ALK: variants seen among roughly 807,000 people sequenced by gnomAD.
The protein encoded by ALK is ALK tyrosine kinase receptor.
ALK carries 74 observed loss-of-function variants against 163.1 expected under a neutral mutation model. The ratio of observed to expected loss-of-function variants is 0.45; its 90% CI spans 0.38 to 0.55. The LOEUF is 0.55. Ranked by LOEUF, ALK falls within the 20% of genes least tolerant of loss-of-function variation. The pLI, the probability that ALK is intolerant of heterozygous loss-of-function variation, is 0.00. For missense variants in ALK, 2,063 were observed against 2,105.3 expected (o/e 0.98, Z 0.39); for synonymous variants, 960 against 843.2 (o/e 1.14, Z -2.40).
intron 3 of ALK, among the ~76,000 whole-genome samples, chr2:29,546,547 G>T (rs879546830): frequency 2.0e-5 from 3 of 152,192 alleles, no homozygotes; most frequent in Admixed American, 2.0e-4. Flanking sequence ...CGGAAGGGAG[G>T]GAGCTGGGCG....
chr2:29,569,875 T>C (rs1674306923), intron 3 of ALK, among the ~76,000 whole-genome samples: 1 of 152,136 alleles, frequency 6.6e-6, no homozygotes, highest in Admixed American at 6.5e-5. Context: ...TTGTCCCCCT[T>C]CCCTCCTCTG....
At chr2:29,683,266 A>C (rs1678131304) in intron 3 of ALK, among the ~76,000 whole-genome samples, 1 of 152,150 alleles carries the variant, frequency 6.6e-6, no homozygotes, top group African/African-American at 2.4e-5. Flanking sequence ...AGTCCCAGCT[A>C]CTTGGGAAGC....
intron 4 of ALK, among the ~76,000 whole-genome samples, chr2:29,485,391 T>C (rs1245767339): frequency 1.3e-5 from 2 of 152,234 alleles, no homozygotes; most frequent in African/African-American, 4.8e-5. Flanking sequence ...GTTTCTAATA[T>C]GTATAATTGG....
At chr2:29,587,334 G>A (rs2148203593) in intron 3 of ALK, among the ~76,000 whole-genome samples, 1 of 152,270 alleles carries the variant, frequency 6.6e-6, no homozygotes, top group South Asian at 2.1e-4. Flanking sequence ...TTTCATGACT[G>A]GCATAGGCTG....
chr2:29,328,611 C>T (rs1667346988), intron 5 of ALK, 130 bp from the exon 6 acceptor site: 26 of 1,263,880 alleles, frequency 2.1e-5, no homozygotes, highest in Non-Finnish European at 2.7e-5. Context: ...CACTCCAAGG[C>T]CTGATTGAGA....
At chr2:29,600,568 G>T (rs1412542511) in intron 3 of ALK, among the ~76,000 whole-genome samples, 1 of 152,206 alleles carries the variant, frequency 6.6e-6, no homozygotes, top group Non-Finnish European at 1.5e-5. Context: ...CAGATCCTAA[G>T]CCTGCTGGGA....
chr2:29,805,017 C>T (rs1664571380), intron 1 of ALK, among the ~76,000 whole-genome samples: 2 of 152,244 alleles, frequency 1.3e-5, no homozygotes, highest in East Asian at 1.9e-4. Flanking sequence ...GTTTGGAAGC[C>T]TCTATTAAAT....
chr2:29,207,146 A>G (rs2148151854), intron 26 of ALK, 25 bp downstream of exon 26: 1 of 1,579,884 alleles, frequency 6.3e-7, no homozygotes, highest in African/African-American at 1.3e-5. Context: ...CTGCAGGGAT[A>G]CCTGGAGGAT....
chr2:29,454,224 C>T (rs189905723), intron 4 of ALK, among the ~76,000 whole-genome samples: 39 of 152,264 alleles, frequency 2.6e-4, no homozygotes, highest in Middle Eastern at 3.4e-3. Flanking sequence ...ATACACATCC[C>T]TCAGTATTTC....
At chr2:29,398,651 C>T (rs569280569) in intron 4 of ALK, among the ~76,000 whole-genome samples, 5 of 152,220 alleles carry the variant, frequency 3.3e-5, no homozygotes, top group South Asian at 2.1e-4. Context: ...TTCAGTTGCT[C>T]GGCATGTTTC....
chr2:29,306,178 G>A (rs11888500), intron 8 of ALK, among the ~76,000 whole-genome samples: 10,963 of 152,268 alleles, frequency 0.072, 457 homozygotes, highest in Middle Eastern at 0.1. Context: ...TGAACTAGGC[G>A]CTTGCACGTA....
intron 26 of ALK, among the ~76,000 whole-genome samples, chr2:29,203,476 A>AGGATGT (rs566772198): frequency 4.7e-4 from 28 of 59,802 alleles, no homozygotes; most frequent in African/African-American, 1.6e-3. Context: ...CATTGGCCTG[A>AGGATGT]GGATGTGCCT....
rs1671882061 is a variant in ALK at position 29,490,764 on chromosome 2, G to T, written c.1154+41151C>A. Among the ~76,000 whole-genome samples, 3 of 152,300 alleles carry T rather than the reference G, an allele frequency of 2.0e-5. No homozygotes were observed. In the South Asian group the frequency reaches 6.2e-4, roughly 32 times the overall value. ...TATACTGAAATATAGTCATTAAAAA[G>T]TTATGCTGCAATAATGTATGTGTTT... is the stretch of plus-strand genomic sequence containing the variant. On this transcript the variant is annotated intron_variant, in intron 4 of 28. Transcript: ENST00000389048.
chr2:29,767,717 G>C (rs533523631), intron 1 of ALK, among the ~76,000 whole-genome samples: 1 of 152,298 alleles, frequency 6.6e-6, no homozygotes, highest in African/African-American at 2.4e-5. Flanking sequence ...GTTCTTTATA[G>C]TACACTCCAG....
chr2:29,514,165 A>G (rs1672596266), intron 4 of ALK, among the ~76,000 whole-genome samples: 1 of 144,242 alleles, frequency 6.9e-6, no homozygotes, highest in Non-Finnish European at 1.5e-5. Flanking sequence ...TATCCAAAGG[A>G]CTATAAATCA....
intron 1 of ALK, among the ~76,000 whole-genome samples, chr2:29,757,411 C>T (rs901343350): frequency 2.6e-5 from 4 of 152,174 alleles, no homozygotes; most frequent in African/African-American, 7.2e-5. Context: ...AGCTGAGATA[C>T]GAACCCAGGC....
intron 1 of ALK, among the ~76,000 whole-genome samples, chr2:29,858,350 C>T (rs907771294): frequency 8.5e-5 from 13 of 152,272 alleles, no homozygotes; most frequent in Admixed American, 7.2e-4. Context: ...GCATGAGGAA[C>T]ATCCCTTAGG....
intron 1 of ALK, among the ~76,000 whole-genome samples, chr2:29,793,488 T>A (rs1400771318): frequency 6.6e-6 from 1 of 152,200 alleles, no homozygotes; most frequent in Non-Finnish European, 1.5e-5. Context: ...CAGAAGGTTT[T>A]CAACTTACTT....
intron 6 of ALK, among the ~76,000 whole-genome samples, chr2:29,321,340 T>A (rs996930971): frequency 6.6e-6 from 1 of 152,228 alleles, no homozygotes; most frequent in South Asian, 2.1e-4. Flanking sequence ...TAATGGTTGA[T>A]ACAATGTCCA....
Sources: gnomAD v4.1 joint callset for allele counts (sites outside exome capture counted in the v4.1 genomes callset) on GRCh38, gnomAD v4.1.1 for gene constraint, MANE v1.5 for transcripts, NCBI Gene and HGNC (gene_info 2026-07-23, HGNC 2026-07-21) for gene names.